The following FLT3 variants were observed in gnomAD, a reference collection of about 807,000 sequenced individuals.
FLT3 encodes the protein receptor-type tyrosine-protein kinase FLT3.
FLT3 carries 46 observed loss-of-function variants against 126.6 expected under a neutral mutation model. The ratio of observed to expected loss-of-function variants is 0.36; its 90% CI spans 0.29 to 0.46. The LOEUF (loss-of-function observed/expected upper bound fraction) is 0.46, where lower values mean the gene tolerates loss of function less well. Ranked by LOEUF, FLT3 falls within the 20% of genes least tolerant of loss-of-function variation. The pLI is 1.00. For synonymous variants in FLT3, 404 were observed against 434.4 expected (o/e 0.93, Z 0.87); for missense variants, 1,069 against 1,190.3 (o/e 0.90, Z 1.50).
At chr13:28,071,203 T>A (rs1484613177) in intron 1 of FLT3, among the ~76,000 whole-genome samples, 3 of 150,188 alleles carry the variant, frequency 2.0e-5, no homozygotes, top group African/African-American at 4.9e-5. Context: ...AGAGACGGGG[T>A]ATCGCCACGT....
intron 1 of FLT3, among the ~76,000 whole-genome samples, chr13:28,090,021 G>A (rs1005761823): frequency 4.0e-5 from 6 of 151,498 alleles, no homozygotes; most frequent in Admixed American, 1.3e-4. Flanking sequence ...GATTACAGAC[G>A]TGAGCTACTG....
chr13:28,048,795 T>G (rs1875136510), intron 8 of FLT3, among the ~76,000 whole-genome samples: 1 of 152,236 alleles, frequency 6.6e-6, no homozygotes, highest in Admixed American at 6.5e-5. Flanking sequence ...GCGATCTGGC[T>G]AGCAATATTC....
chr13:28,023,294 A>C, intron 19 of FLT3, 56 bp downstream of exon 19: 5 of 1,521,634 alleles, frequency 3.3e-6, no homozygotes, highest in Non-Finnish European at 4.5e-6. Context: ...AAACATATAT[A>C]AGCACATCTT....
chr13:28,004,485 T>G (rs1412081157), intron 23 of FLT3, among the ~76,000 whole-genome samples: 2 of 152,090 alleles, frequency 1.3e-5, no homozygotes, highest in Non-Finnish European at 2.9e-5. Flanking sequence ...TTTTTATTTT[T>G]TGTAAAGACA....
At chr13:28,017,821 C>T (rs539137865) in intron 20 of FLT3, among the ~76,000 whole-genome samples, 5 of 152,194 alleles carry the variant, frequency 3.3e-5, no homozygotes, top group South Asian at 2.1e-4. Context: ...CACGCCACCA[C>T]GCCCAGCTAA....
intron 19 of FLT3, among the ~76,000 whole-genome samples, chr13:28,022,276 C>A (rs1247603376): frequency 6.6e-6 from 1 of 152,072 alleles, no homozygotes; most frequent in Non-Finnish European, 1.5e-5. Flanking sequence ...CTTTGGGAGG[C>A]TGAGGCAGGT....
chr13:28,043,013 C>T (rs777925631), intron 9 of FLT3, among the ~76,000 whole-genome samples: 2 of 151,954 alleles, frequency 1.3e-5, no homozygotes, highest in African/African-American at 4.8e-5. Context: ...AGAACCCAAA[C>T]GACCACCACA....
intron 23 of FLT3, among the ~76,000 whole-genome samples, chr13:28,010,079 C>T (rs1871231408): frequency 6.6e-6 from 1 of 152,142 alleles, no homozygotes; most frequent in Non-Finnish European, 1.5e-5. Flanking sequence ...CATCTTCTGC[C>T]TCGCTTTTCC....
chr13:28,071,088 A>G (rs942029970), intron 1 of FLT3, among the ~76,000 whole-genome samples: 6 of 131,690 alleles, frequency 4.6e-5, no homozygotes, highest in Non-Finnish European at 7.7e-5. Context: ...TCCGCCTCCC[A>G]GGCTCAAGTG....
rs776133815 is a variant in FLT3, at chr13:28,028,236, C to T, written c.1995G>A (p.Met665Ile). 1 of 1,612,400 alleles carries T rather than the reference C, an allele frequency of 6.2e-7. No homozygotes were observed. The highest frequency in any genetic ancestry group is 1.3e-5 in the African/African-American group (1 of 74,866). The change falls in exon 16 of 24, where the codon ATG becomes ATA. Residue 665 changes from methionine (M) to isoleucine (I), a missense_variant. Coordinates refer to ENST00000241453, the MANE Select transcript of FLT3 (RefSeq NM_004119.3). ...TATTCTCGTGGCTTCCCAGCTGGGT[C>T]ATCATCTTGAGTTCTGACATGAGTG... ...REALMSELKM[M>I]TQLGSHENIV...
chr13:28,080,194 G>A (rs1045698561), intron 1 of FLT3, among the ~76,000 whole-genome samples: 3 of 152,160 alleles, frequency 2.0e-5, no homozygotes, highest in Non-Finnish European at 4.4e-5. Flanking sequence ...TGGCCAAAAT[G>A]GTGAAACCCC....
intron 17 of FLT3, among the ~76,000 whole-genome samples, chr13:28,026,355 A>G (rs1465450839): frequency 9.6e-6 from 1 of 104,218 alleles, no homozygotes; most frequent in Non-Finnish European, 2.4e-5. Flanking sequence ...TCTGTCTGAA[A>G]AAAAAAAAAA....
chr13:28,074,563 C>T (rs910840380), intron 1 of FLT3, among the ~76,000 whole-genome samples: 3 of 152,184 alleles, frequency 2.0e-5, no homozygotes, highest in Non-Finnish European at 4.4e-5. Context: ...CACATCCTCG[C>T]TAACATTTGG....
chr13:28,055,292 A>G (rs1446815972), intron 4 of FLT3, among the ~76,000 whole-genome samples: 2 of 152,210 alleles, frequency 1.3e-5, no homozygotes, highest in Non-Finnish European at 2.9e-5. Flanking sequence ...AATCAATCTT[A>G]TCGTCTCCTC....
chr13:28,079,008 G>A (rs1436387205), intron 1 of FLT3, among the ~76,000 whole-genome samples: 4 of 152,220 alleles, frequency 2.6e-5, no homozygotes, highest in South Asian at 2.1e-4. Context: ...CACCATGCCC[G>A]GCCTGGGTTT....
intron 19 of FLT3, among the ~76,000 whole-genome samples, chr13:28,021,073 G>C (rs1872344101): frequency 6.6e-6 from 1 of 152,122 alleles, no homozygotes; most frequent in African/African-American, 2.4e-5. Flanking sequence ...GACAATCTAA[G>C]TAGGTGTTCT....
At chr13:28,051,638 A>G (rs113676020) in intron 5 of FLT3, among the ~76,000 whole-genome samples, 32,756 of 141,944 alleles carry the variant, frequency 0.23, 3,746 homozygotes, top group Middle Eastern at 0.31. Flanking sequence ...TCTGCCTCCC[A>G]GGTTCACGCC....
chr13:28,077,634 G>A (rs1056477149), intron 1 of FLT3, among the ~76,000 whole-genome samples: 2 of 151,932 alleles, frequency 1.3e-5, no homozygotes, highest in Admixed American at 6.6e-5. Context: ...ATTCTGCCCC[G>A]GCCCCTCCAA....
At chr13:28,084,495 C>G (rs950677842) in intron 1 of FLT3, among the ~76,000 whole-genome samples, 1 of 152,084 alleles carries the variant, frequency 6.6e-6, no homozygotes, top group Non-Finnish European at 1.5e-5. Context: ...GCTGGGAGTA[C>G]AGGCAAATGC....
Sources: gnomAD v4.1 joint callset for allele counts (sites outside exome capture counted in the v4.1 genomes callset) on GRCh38, gnomAD v4.1.1 for gene constraint, MANE v1.5 for transcripts, NCBI Gene and HGNC (gene_info 2026-07-23, HGNC 2026-07-21) for gene names.